The following PRKCE variants were observed in gnomAD, a reference collection of about 807,000 sequenced individuals.
PRKCE encodes the protein protein kinase C epsilon type.
A neutral mutation model predicts 85.4 loss-of-function variants in PRKCE; 16 were observed. That is an observed-to-expected ratio of 0.19 (90% CI 0.13 to 0.28). The LOEUF is 0.28. Ranked by LOEUF, PRKCE falls within the 10% of genes least tolerant of loss-of-function variation. PRKCE has a pLI of 1.00. For missense variants in PRKCE, 573 were observed against 975.2 expected (o/e 0.59, Z 5.49); for synonymous variants, 388 against 371.5 (o/e 1.04, Z -0.51).
intron 1 of PRKCE, among the ~76,000 whole-genome samples, chr2:45,717,138 T>A (rs768213497): frequency 1.3e-5 from 2 of 152,170 alleles, no homozygotes; most frequent in Non-Finnish European, 2.9e-5. Context: ...AGTGAAAGGA[T>A]GAGGATCCCA....
chr2:45,788,057 C>G (rs937761321), intron 1 of PRKCE, among the ~76,000 whole-genome samples: 6 of 152,108 alleles, frequency 3.9e-5, no homozygotes, highest in African/African-American at 1.4e-4. Flanking sequence ...CATTTCAGGC[C>G]TCACCGTGTT....
intron 10 of PRKCE, among the ~76,000 whole-genome samples, chr2:46,060,118 T>C (rs79532408): frequency 1.7e-3 from 261 of 152,348 alleles, no homozygotes; most frequent in Non-Finnish European, 2.9e-3. Context: ...AATTATTCTG[T>C]ATTTTATTAA....
At chr2:46,057,190 A>T (rs1666665743) in intron 10 of PRKCE, among the ~76,000 whole-genome samples, 1 of 152,198 alleles carries the variant, frequency 6.6e-6, no homozygotes, top group South Asian at 2.1e-4. Context: ...CCAGTGAATG[A>T]TGTGGAAGAT....
rs777043604 is a variant in PRKCE, at chr2:46,184,900, C to G, written c.*19C>G. On this transcript the variant is annotated 3_prime_UTR_variant, in exon 15 of 15. Coordinates refer to ENST00000306156, the MANE Select transcript of PRKCE (RefSeq NM_005400.3). This position sits in a 1 kb window ranked among gnomAD's most constrained non-coding sequence, Gnocchi z 5.0. ...GCCCTGAGAGCCCACTGCAGTTGGA[C>G]TTTGCCGATGCTGCAAGAAGGGGTG... is the stretch of plus-strand genomic sequence containing the variant. 1.3e-6 allele frequency: 2 copies of G among 1,599,408 alleles called. No individual in the cohort carries two copies. Among genetic ancestry groups the G allele is most frequent in the African/African-American group, 1.3e-5 (1 of 75,046 alleles).
chr2:45,998,513 C>T (rs1352980996), intron 6 of PRKCE, among the ~76,000 whole-genome samples: 1 of 152,144 alleles, frequency 6.6e-6, no homozygotes, highest in African/African-American at 2.4e-5. Flanking sequence ...ATATCTTACT[C>T]TATGTCTTTA....
At chr2:45,734,592 C>CA (rs1239873433) in intron 1 of PRKCE, among the ~76,000 whole-genome samples, 4 of 152,206 alleles carry the variant, frequency 2.6e-5, no homozygotes, top group Non-Finnish European at 1.5e-5. Flanking sequence ...GATGAGGTTA[C>CA]ACAGGTCCGT....
At chr2:46,121,944 A>G (rs1179983154) in intron 11 of PRKCE, among the ~76,000 whole-genome samples, 2 of 152,136 alleles carry the variant, frequency 1.3e-5, no homozygotes, top group East Asian at 3.9e-4. Context: ...ATTCACCAGT[A>G]TTCTTCTCTT....
chr2:46,032,606 T>A (rs1707602813), intron 10 of PRKCE, among the ~76,000 whole-genome samples: 1 of 151,956 alleles, frequency 6.6e-6, no homozygotes, highest in Admixed American at 6.6e-5. Context: ...GACTTGGGAG[T>A]TTTTATTGGC....
At position 46,026,061 on chromosome 2, in the gene PRKCE, G is replaced by A. The variant is rs376220452; in HGVS notation, c.1437+15544G>A. Among the ~76,000 whole-genome samples the A allele has an allele frequency of 7.9e-4, 120 of 152,298 alleles. 2 individuals are homozygous for A. Among genetic ancestry groups the A allele is most frequent in the African/African-American group, 2.7e-3 (113 of 41,564 alleles). ...TTGTGCATCCATATCCCAGGAAGGA[G>A]GGATTCTGTTTAGCTCTTTGAGCTA... On this transcript the variant is annotated intron_variant, in intron 10 of 14. Transcript: ENST00000306156.
chr2:45,845,162 T>C (rs1436404769), intron 2 of PRKCE, among the ~76,000 whole-genome samples: 1 of 151,974 alleles, frequency 6.6e-6, no homozygotes, highest in African/African-American at 2.4e-5. Flanking sequence ...GCTGCTCTTG[T>C]TGTTTGTGTT....
chr2:46,065,280 G>C (rs1006401646), intron 10 of PRKCE, among the ~76,000 whole-genome samples: 4 of 151,976 alleles, frequency 2.6e-5, no homozygotes, highest in Non-Finnish European at 5.9e-5. Context: ...GCCAGGGAGT[G>C]TGTCTGTGGG....
At chr2:45,993,901 G>C (rs896179375) in intron 6 of PRKCE, among the ~76,000 whole-genome samples, 8 of 152,068 alleles carry the variant, frequency 5.3e-5, no homozygotes, top group Non-Finnish European at 1.2e-4. Context: ...GAGTTTTCTT[G>C]TTTGTTTTTG....
At chr2:45,674,254 C>T (rs1485534639) in intron 1 of PRKCE, among the ~76,000 whole-genome samples, 1 of 152,120 alleles carries the variant, frequency 6.6e-6, no homozygotes, top group Non-Finnish European at 1.5e-5. Context: ...TTCCTCTTGG[C>T]TGAGTATAAA....
chr2:46,182,212 C>A (rs1680051674), intron 14 of PRKCE, among the ~76,000 whole-genome samples: 1 of 152,124 alleles, frequency 6.6e-6, no homozygotes, highest in South Asian at 2.1e-4. Context: ...ACTCACTTCG[C>A]CAGGCACAGA....
intron 2 of PRKCE, among the ~76,000 whole-genome samples, chr2:45,853,404 T>C (rs972232374): frequency 2.6e-5 from 4 of 152,176 alleles, no homozygotes; most frequent in Non-Finnish European, 4.4e-5. Context: ...AATTTTTTGT[T>C]TTTGTGTTTG....
At chr2:45,974,258 G>A (rs1431067914) in intron 2 of PRKCE, among the ~76,000 whole-genome samples, 1 of 152,228 alleles carries the variant, frequency 6.6e-6, no homozygotes, top group South Asian at 2.1e-4. Flanking sequence ...CTGCAGCTGT[G>A]TGTGTTGCTG....
In PRKCE at chr2:45,651,869, T is replaced by G; in HGVS notation, c.-232T>G. On this transcript the variant is annotated 5_prime_UTR_variant, in exon 1 of 15. Transcript: ENST00000306156. ...GAGAGACTTGCTCCAAACACGGACA[T>G]CCCCCAGCTCTCCCCCCTCCCTGTT... 1 of 441,936 alleles carries G rather than the reference T, an allele frequency of 2.3e-6. No individual in the cohort carries two copies. Among genetic ancestry groups the G allele is most frequent in the Non-Finnish European group, 4.0e-6 (1 of 248,740 alleles). 27.4% of individuals were successfully genotyped at this position (441,936 alleles called of 1,614,324 possible). A position where few individuals can be genotyped will look rare whatever the true frequency, so the allele number is the denominator to read the frequency against.
chr2:45,789,646 G>C (rs1038518142), intron 1 of PRKCE, among the ~76,000 whole-genome samples: 1 of 152,148 alleles, frequency 6.6e-6, no homozygotes, highest in Non-Finnish European at 1.5e-5. Context: ...GGGGGAAAGG[G>C]GGGAAAGACA....
intron 1 of PRKCE, among the ~76,000 whole-genome samples, chr2:45,744,489 T>C (rs11681418): frequency 7.8e-4 from 37 of 47,162 alleles, no homozygotes; most frequent in African/African-American, 1.2e-3. Context: ...TTCTTTCTTT[T>C]TCTTTCTTTC....
Sources: allele counts gnomAD v4.1 joint callset (sites outside exome capture counted in the v4.1 genomes callset), GRCh38; gene constraint gnomAD v4.1.1; non-coding constraint Gnocchi (gnomAD v3.1); transcripts MANE v1.5; gene names NCBI Gene and HGNC (gene_info 2026-07-23, HGNC 2026-07-21).